Variants in TMEM61 observed in about 807,000 individuals in gnomAD.
TMEM61 encodes transmembrane protein 61.
A neutral mutation model predicts 12.0 loss-of-function variants in TMEM61; 13 were observed. The observed-to-expected ratio is 1.08, with a 90% CI of 0.70 to 1.72. The LOEUF (loss-of-function observed/expected upper bound fraction) is 1.72, where lower values mean the gene tolerates loss of function less well. Among genes scored for constraint, TMEM61 ranks in the 40% most tolerant of loss-of-function variants. The pLI is 0.00. For synonymous variants in TMEM61, 109 were observed against 121.4 expected (o/e 0.90, Z 0.67); for missense variants, 249 against 276.9 (o/e 0.90, Z 0.71).
chr1:54,981,179 T>C (rs1644218267), intron 1 of TMEM61, 99 bp downstream of exon 1: 1 of 1,395,850 alleles, frequency 7.2e-7, no homozygotes, highest in Non-Finnish European at 9.7e-7. Context: ...CACCGTGGCT[T>C]GGTGGGCAGT....
intron 2 of TMEM61, among the ~76,000 whole-genome samples, chr1:54,990,833 C>T (rs1345148046): frequency 1.3e-5 from 2 of 152,136 alleles, no homozygotes; most frequent in East Asian, 1.9e-4. Flanking sequence ...CACTACCATC[C>T]CCCATTTTAC....
chr1:54,985,087 A>T (rs142530788), intron 1 of TMEM61, among the ~76,000 whole-genome samples: 87 of 152,306 alleles, frequency 5.7e-4, no homozygotes, highest in East Asian at 1.3e-3. Context: ...TTGATTTTTT[A>T]AAAAAATGGG....
At chr1:54,985,734 G>C (rs529552607) in intron 1 of TMEM61, among the ~76,000 whole-genome samples, 20 of 150,642 alleles carry the variant, frequency 1.3e-4, no homozygotes, top group African/African-American at 3.9e-4. Flanking sequence ...AGGCCTGGAG[G>C]TTCCAACATG....
intron 2 of TMEM61, among the ~76,000 whole-genome samples, chr1:54,989,719 A>G (rs1376742769): frequency 1.3e-5 from 2 of 152,174 alleles, no homozygotes; most frequent in African/African-American, 4.8e-5. Flanking sequence ...GCCGCTTCAC[A>G]TCTGCCCTCT....
intron 1 of TMEM61, among the ~76,000 whole-genome samples, chr1:54,982,293 A>G (rs2495518): frequency 0.74 from 111,957 of 151,998 alleles, 41,745 homozygotes; most frequent in Non-Finnish European, 0.8. Flanking sequence ...GTGCAATGAG[A>G]GTCCTGGATG....
In TMEM61 at chr1:54,992,063, C is replaced by T. The variant is rs748448869; in HGVS notation, c.593C>T (p.Ser198Phe). 5 of 1,613,384 alleles carry T rather than the reference C, an allele frequency of 3.1e-6. No individual in the cohort carries two copies. The South Asian group carries it at 5.5e-5, about 18-fold the overall frequency. Residue 198 changes from serine (S) to phenylalanine (F), a missense_variant, in exon 3 of 3, where the codon TCC becomes TTC. By Grantham distance (155) the Ser-to-Phe change is radical (BLOSUM62 -2). Coordinates refer to ENST00000371268, the MANE Select transcript of TMEM61 (RefSeq NM_182532.3). ...GAGACGACACCGAGTGCCACACGCT[C>T]CTGCTCAGGCCTGGTTCAGACTGCA... is the stretch of plus-strand genomic sequence containing the variant. ...SAETTPSATR[S>F]CSGLVQTARG...
chr1:54,991,909 C>T lies in TMEM61; in HGVS notation c.439C>T (p.Pro147Ser). 6.2e-7 allele frequency: 1 copy of T among 1,614,212 alleles called. No individual in the cohort carries two copies. The highest frequency in any genetic ancestry group is 2.2e-5 in the East Asian group (1 of 44,888). ...SFPVAEGPPT[P>S]PAYPTEEALE... ...CCCAGTGGCCGAGGGGCCCCCAACA[C>T]CACCTGCATACCCTACGGAGGAAGC... The change falls in exon 3 of 3, where the codon CCA becomes TCA. Residue 147 changes from proline to serine, a missense_variant. By Grantham distance (74) the Pro-to-Ser change is moderately conservative. Transcript: ENST00000371268.
chr1:54,983,109 G>GCTTTTTTTTTTTTT (rs1644233995), intron 1 of TMEM61, among the ~76,000 whole-genome samples: 1 of 109,522 alleles, frequency 9.1e-6, no homozygotes, highest in Non-Finnish European at 1.8e-5. Flanking sequence ...GTTTTGCTTT[G>GCTTTTTTTTTTTTT]TTTTTTTTTT....
In TMEM61 at chr1:54,991,841, C is replaced by T. The variant is rs1268899049; in HGVS notation, c.371C>T (p.Pro124Leu). ...ESSEKESCRTPKVVDIPTYEE... is the reference protein window; with the variant it reads ...ESSEKESCRTLKVVDIPTYEE... ...CCTCTCTTCTGTTCCTGCAGGACCC[C>T]CAAAGTGGTTGACATCCCCACTTAC... is the stretch of plus-strand genomic sequence containing the variant. Residue 124 changes from proline (P) to leucine (L), a missense_variant, in exon 3 of 3, where the codon CCC becomes CTC. Coordinates refer to ENST00000371268, the MANE Select transcript of TMEM61 (RefSeq NM_182532.3). 1 of 1,613,776 alleles carries T rather than the reference C, an allele frequency of 6.2e-7. No homozygotes were observed. The highest frequency in any genetic ancestry group is 1.7e-5 in the Admixed American group (1 of 59,998).
chr1:54,980,945 C>G lies in TMEM61; in HGVS notation c.-121C>G. The G allele has an allele frequency of 9.0e-7, 1 of 1,111,126 alleles. No homozygotes were observed. Among genetic ancestry groups the G allele is most frequent in the Non-Finnish European group, 1.2e-6 (1 of 815,128 alleles). The allele number at this position is 1,111,126 out of a possible 1,614,324, so 68.8% of individuals were successfully genotyped here. ...GCCCCTCCGCCCCTAACACCCGCGC[C>G]TCCTGCAGACCCGAGGGTCGCCGCT... On this transcript the variant is annotated 5_prime_UTR_variant, in exon 1 of 3. Transcript: ENST00000371268.
At position 54,991,900 on chromosome 1, in the gene TMEM61, C is replaced by A. The variant is rs377259600; in HGVS notation, c.430C>A (p.Pro144Thr). 6.2e-6 allele frequency: 10 copies of A among 1,614,160 alleles called. 1 individual carries two copies. Among genetic ancestry groups the A allele is most frequent in the South Asian group, 5.5e-5 (5 of 91,086 alleles). ...EAVSFPVAEG[P>T]PTPPAYPTEE... is the part of the protein sequence containing the mutation. The stretch of plus-strand genomic sequence containing the variant: ...CGTGAGCTTCCCAGTGGCCGAGGGG[C>A]CCCCAACACCACCTGCATACCCTAC... The change falls in exon 3 of 3, where the codon CCC becomes ACC. Residue 144 changes from proline to threonine, a missense_variant. Pro to Thr is a conservative substitution (Grantham distance 38). Transcript: ENST00000371268.
chr1:54,981,291 C>T (rs935007287), intron 1 of TMEM61, among the ~76,000 whole-genome samples: 2 of 152,202 alleles, frequency 1.3e-5, no homozygotes, highest in Admixed American at 1.3e-4. Flanking sequence ...CTTGTTCGGA[C>T]AGTTTCGTCT....
chr1:54,987,838 G>GCTGGGAC (rs1644270667), intron 2 of TMEM61, among the ~76,000 whole-genome samples: 2 of 152,348 alleles, frequency 1.3e-5, no homozygotes, highest in East Asian at 1.9e-4. Context: ...GCCGTGAGCT[G>GCTGGGAC]CTGGGACCTG....
At chr1:54,989,045 G>C (rs2101637101) in intron 2 of TMEM61, among the ~76,000 whole-genome samples, 1 of 152,304 alleles carries the variant, frequency 6.6e-6, no homozygotes, top group African/African-American at 2.4e-5. Context: ...CTCTGTAGCT[G>C]GTACACACAT....
At chr1:54,981,758 G>A (rs1361265116) in intron 1 of TMEM61, among the ~76,000 whole-genome samples, 1 of 152,146 alleles carries the variant, frequency 6.6e-6, no homozygotes, top group Non-Finnish European at 1.5e-5. Flanking sequence ...ACAGGAGCAG[G>A]GCCTTTCTAC....
intron 1 of TMEM61, among the ~76,000 whole-genome samples, chr1:54,983,109 G>GTTT (rs780127208): frequency 0.011 from 1,213 of 109,402 alleles, 146 homozygotes; most frequent in African/African-American, 0.035. Flanking sequence ...GTTTTGCTTT[G>GTTT]TTTTTTTTTT....
At chr1:54,986,056 A>T in intron 1 of TMEM61, 41 bp from the exon 2 acceptor site, 1 of 1,529,328 alleles carries the variant, frequency 6.5e-7, no homozygotes, top group South Asian at 1.3e-5. Context: ...AGCACCTTTC[A>T]TATGGCCCAT....
intron 1 of TMEM61, among the ~76,000 whole-genome samples, chr1:54,982,477 C>T (rs1214437223): frequency 6.6e-6 from 1 of 152,192 alleles, no homozygotes; most frequent in Admixed American, 6.5e-5. Flanking sequence ...TTGACCTTCT[C>T]CACCCCAACC....
At chr1:54,984,169 A>G (rs1570257726) in intron 1 of TMEM61, among the ~76,000 whole-genome samples, 3 of 152,314 alleles carry the variant, frequency 2.0e-5, no homozygotes, top group Admixed American at 2.0e-4. Context: ...CTCCCATGGG[A>G]TCATGCCTTT....
Sources: allele counts gnomAD v4.1 joint callset (sites outside exome capture counted in the v4.1 genomes callset), GRCh38; gene constraint gnomAD v4.1.1; transcripts MANE v1.5; gene names NCBI Gene and HGNC (gene_info 2026-07-23, HGNC 2026-07-21).